Variants in GSG1L observed in about 807,000 individuals in gnomAD.
GSG1L encodes the protein germ cell-specific gene 1-like protein.
A neutral mutation model predicts 42.1 loss-of-function variants in GSG1L; 24 were observed. The observed-to-expected ratio is 0.57, with a 90% CI of 0.41 to 0.80. The LOEUF (loss-of-function observed/expected upper bound fraction) is 0.80. Among genes scored for constraint, GSG1L ranks in the 30% least tolerant of loss-of-function variants. The pLI, the probability that GSG1L is intolerant of heterozygous loss-of-function variation, is 0.00. For missense variants in GSG1L, 445 were observed against 472.2 expected (o/e 0.94, Z 0.53); for synonymous variants, 215 against 203.5 (o/e 1.06, Z -0.48).
In GSG1L at chr16:27,901,339, C is replaced by T. The variant is rs1241491116; in HGVS notation, c.398-16701G>A. On this transcript the variant is annotated intron_variant, in intron 2 of 6. Coordinates refer to ENST00000447459, the MANE Select transcript of GSG1L (RefSeq NM_001109763.2). ...GTGTCAAAGCCCCAGGTGCATCTAG[C>T]CCACTGAGGTTTGTTGCCACCACAC... 2.6e-5 allele frequency among the ~76,000 whole-genome samples: 4 copies of T among 152,120 alleles called. No individual in the cohort carries two copies. The East Asian group carries it at 7.7e-4, about 29-fold the overall frequency.
At chr16:28,033,544 G>C (rs929826324) in intron 1 of GSG1L, among the ~76,000 whole-genome samples, 51 of 152,024 alleles carry the variant, frequency 3.4e-4, no homozygotes, top group African/African-American at 1.2e-3. Context: ...AGGAGGAAAG[G>C]AGGGGAAAGG....
At chr16:27,958,825 C>T (rs2085035376) in intron 2 of GSG1L, among the ~76,000 whole-genome samples, 1 of 152,058 alleles carries the variant, frequency 6.6e-6, no homozygotes. Context: ...CAGGTGCATG[C>T]CACCATGCCC....
At chr16:27,944,271 T>G (rs1050036401) in intron 2 of GSG1L, among the ~76,000 whole-genome samples, 3 of 152,150 alleles carry the variant, frequency 2.0e-5, no homozygotes, top group African/African-American at 7.2e-5. Context: ...AAATAAATCA[T>G]GAATAGATCA....
chr16:27,964,208 T>C (rs776398075), intron 1 of GSG1L, among the ~76,000 whole-genome samples: 4 of 151,718 alleles, frequency 2.6e-5, no homozygotes, highest in Non-Finnish European at 5.9e-5. Context: ...CATGCACCTG[T>C]AGTCCCAGCT....
intron 5 of GSG1L, among the ~76,000 whole-genome samples, chr16:27,811,474 G>C (rs2083030241): frequency 6.6e-6 from 1 of 152,118 alleles, no homozygotes; most frequent in Non-Finnish European, 1.5e-5. Flanking sequence ...AGTGGACCAG[G>C]TAACAGCCCC....
chr16:28,024,111 C>G (rs2085875280), intron 1 of GSG1L, among the ~76,000 whole-genome samples: 1 of 152,178 alleles, frequency 6.6e-6, no homozygotes, highest in Non-Finnish European at 1.5e-5. Context: ...AACCCAAGAT[C>G]TTGCCAAGAT....
chr16:27,955,873 A>C lies in GSG1L; in HGVS notation c.397+7283T>G, dbSNP rs537846166. 2.7e-4 allele frequency among the ~76,000 whole-genome samples: 33 copies of C among 123,214 alleles called. No homozygotes were observed. The South Asian group carries it at 3.5e-3, about 13-fold the overall frequency. 80.8% of individuals were successfully genotyped at this position (123,214 alleles called of 152,430 possible). A position where few individuals can be genotyped will look rare whatever the true frequency, so the allele number is the denominator to read the frequency against. On this transcript the variant is annotated intron_variant, in intron 2 of 6. Coordinates refer to ENST00000447459, the MANE Select transcript of GSG1L (RefSeq NM_001109763.2). ...ATGGGGCTGCAGGTCAAAAGACTCC[A>C]TAAGAGAAGAGGAAGGAAGGAAGGA...
At chr16:28,030,997 A>T in intron 1 of GSG1L, among the ~76,000 whole-genome samples, 1 of 122,574 alleles carries the variant, frequency 8.2e-6, no homozygotes, top group African/African-American at 3.2e-5. Context: ...ATGGAATGGG[A>T]TAAGATGGGA....
chr16:27,979,730 A>AAGGAAGGAAG lies in GSG1L; in HGVS notation c.350-16528_350-16527insCTTCCTTCCT. 2.7e-3 allele frequency among the ~76,000 whole-genome samples: 171 copies of AAGGAAGGAAG among 62,276 alleles called. 6 individuals are homozygous for AAGGAAGGAAG. The highest frequency in any genetic ancestry group is 9.3e-3 in the African/African-American group (160 of 17,214). The allele number at this position is 62,276 out of a possible 152,430, so 40.9% of individuals were successfully genotyped here. On this transcript the variant is annotated intron_variant, in intron 1 of 6. Coordinates refer to ENST00000447459, the MANE Select transcript of GSG1L (RefSeq NM_001109763.2). ...AGGAAGGAAGGAAGGAAGGAAGGAA[A>AAGGAAGGAAG]GAAAAAGAAAGAAAGAAAGGAAAGA... is the stretch of plus-strand genomic sequence containing the variant.
intron 2 of GSG1L, among the ~76,000 whole-genome samples, chr16:27,906,791 G>C (rs1307500087): frequency 6.6e-6 from 1 of 152,002 alleles, no homozygotes; most frequent in African/African-American, 2.4e-5. Context: ...TCATACCTTT[G>C]CCTCAGTTTA....
intron 2 of GSG1L, among the ~76,000 whole-genome samples, chr16:27,915,414 A>G (rs1052700796): frequency 6.6e-6 from 1 of 152,194 alleles, no homozygotes; most frequent in Non-Finnish European, 1.5e-5. Context: ...GGAGCCATAA[A>G]TAAAGATCAG....
chr16:27,902,513 G>GAGGTTC (rs1278911106), intron 2 of GSG1L, among the ~76,000 whole-genome samples: 1 of 152,082 alleles, frequency 6.6e-6, no homozygotes, highest in African/African-American at 2.4e-5. Flanking sequence ...GACCCCGCGG[G>GAGGTTC]TGCCGATGAT....
chr16:27,976,159 C>G (rs911787981), intron 1 of GSG1L, among the ~76,000 whole-genome samples: 3 of 152,098 alleles, frequency 2.0e-5, no homozygotes, highest in Non-Finnish European at 4.4e-5. Context: ...CCTGTAATCC[C>G]GGCTACTCAG....
chr16:27,927,726 GGCAAA>G (rs1444377312), intron 2 of GSG1L, among the ~76,000 whole-genome samples: 1 of 152,152 alleles, frequency 6.6e-6, no homozygotes, highest in Non-Finnish European at 1.5e-5. Context: ...GCCTAGCCTA[GGCAAA>G]GTTCATTCGC....
chr16:27,912,881 TGTG>T (rs2071974565), intron 2 of GSG1L, among the ~76,000 whole-genome samples: 1 of 152,166 alleles, frequency 6.6e-6, no homozygotes, highest in African/African-American at 2.4e-5. Context: ...ATAAATAAAT[TGTG>T]GTGTATTCAC....
chr16:27,946,912 C>A (rs2084879635), intron 2 of GSG1L, among the ~76,000 whole-genome samples: 1 of 152,160 alleles, frequency 6.6e-6, no homozygotes. Context: ...TAACTCCTCA[C>A]ATGGATCATC....
At chr16:28,015,241 C>T (rs752552342) in intron 1 of GSG1L, among the ~76,000 whole-genome samples, 3 of 152,124 alleles carry the variant, frequency 2.0e-5, no homozygotes, top group East Asian at 1.9e-4. Flanking sequence ...CAGCGGCTCA[C>T]GCCTGTGATC....
rs56735270 is a variant in GSG1L at position 27,832,827 on chromosome 16, T to C, written c.663-3871A>G. ...ATTGGATTGTTTTGTTGTTGTTTAC[T>C]GTTGGGGTTTTAGAGGTCTTTGTAT... On this transcript the variant is annotated intron_variant, in intron 4 of 6. Coordinates refer to ENST00000447459, the MANE Select transcript of GSG1L (RefSeq NM_001109763.2). Among the ~76,000 whole-genome samples the C allele has an allele frequency of 7.9e-3, 1,201 of 152,352 alleles. 17 individuals carry two copies. The highest frequency in any genetic ancestry group is 0.028 in the African/African-American group (1,144 of 41,574).
intron 6 of GSG1L, among the ~76,000 whole-genome samples, chr16:27,792,236 G>A (rs2082763736): frequency 6.6e-6 from 1 of 152,188 alleles, no homozygotes; most frequent in Admixed American, 6.5e-5. Context: ...AACAAGAGCA[G>A]ATGTCTCCTA....
Sources: gnomAD v4.1 joint callset for allele counts (sites outside exome capture counted in the v4.1 genomes callset) on GRCh38, gnomAD v4.1.1 for gene constraint, MANE v1.5 for transcripts, NCBI Gene and HGNC (gene_info 2026-07-23, HGNC 2026-07-21) for gene names.